Variants in DLG2 observed in about 807,000 individuals in gnomAD.
DLG2 encodes disks large homolog 2.
In DLG2, 45 loss-of-function variants were observed where a neutral mutation model predicts 132.5. That is an observed-to-expected ratio of 0.34 (90% CI 0.27 to 0.44). The LOEUF is 0.44. Ranked by LOEUF, DLG2 falls within the 20% of genes least tolerant of loss-of-function variation. The pLI, the probability that DLG2 is intolerant of heterozygous loss-of-function variation, is 1.00. For missense variants in DLG2, 1,045 were observed against 1,196.9 expected (o/e 0.87, Z 1.87); for synonymous variants, 424 against 419.6 (o/e 1.01, Z -0.13).
chr11:84,694,400 A>C (rs746646384), intron 6 of DLG2, among the ~76,000 whole-genome samples: 6 of 151,664 alleles, frequency 4.0e-5, no homozygotes, highest in African/African-American at 1.5e-4. Flanking sequence ...ATTTGTAAGA[A>C]AACTACATTG....
rs1018257953 is a variant in DLG2 at position 84,920,908 on chromosome 11, C to T, written c.357+190753G>A. 1.8e-4 allele frequency among the ~76,000 whole-genome samples: 28 copies of T among 151,864 alleles called. 1 individual carries two copies. The highest frequency in any genetic ancestry group is 1.2e-3 in the East Asian group (6 of 5,166). On this transcript the variant is annotated intron_variant, in intron 6 of 27. Transcript: ENST00000376104. ...CTATTGTGTGCAGAGAAAAAAAAGACGAAAAATGTTTCTATCCTTTGAATT... is the reference window on the plus strand; with the variant it reads ...CTATTGTGTGCAGAGAAAAAAAAGATGAAAAATGTTTCTATCCTTTGAATT...
intron 3 of DLG2, among the ~76,000 whole-genome samples, chr11:85,362,290 T>C (rs1354319239): frequency 1.3e-5 from 2 of 152,316 alleles, no homozygotes; most frequent in East Asian, 1.9e-4. Context: ...GTTCTACTTA[T>C]AGAGATCTTT....
At chr11:83,822,167 C>T (rs1395525352) in intron 17 of DLG2, among the ~76,000 whole-genome samples, 2 of 152,114 alleles carry the variant, frequency 1.3e-5, no homozygotes, top group Non-Finnish European at 2.9e-5. Context: ...AGAACTTTGA[C>T]CTGCAAGATA....
intron 14 of DLG2, among the ~76,000 whole-genome samples, chr11:83,938,027 T>C (rs1039169370): frequency 2.6e-5 from 4 of 152,326 alleles, no homozygotes; most frequent in South Asian, 4.1e-4. Flanking sequence ...AGGAAAGTCA[T>C]TGTGATTTGT....
At chr11:84,655,172 T>C (rs1252919397) in intron 6 of DLG2, among the ~76,000 whole-genome samples, 2 of 152,170 alleles carry the variant, frequency 1.3e-5, no homozygotes, top group Non-Finnish European at 2.9e-5. Context: ...CCATCATCAA[T>C]AGGTTTGCAG....
At chr11:84,151,807 A>C (rs1053241474) in intron 9 of DLG2, among the ~76,000 whole-genome samples, 1 of 152,230 alleles carries the variant, frequency 6.6e-6, no homozygotes, top group African/African-American at 2.4e-5. Flanking sequence ...TTCACCCAAA[A>C]GTCATTCAGG....
chr11:85,505,871 C>T (rs2093919415), intron 3 of DLG2, among the ~76,000 whole-genome samples: 1 of 152,130 alleles, frequency 6.6e-6, no homozygotes, highest in African/African-American at 2.4e-5. Context: ...GGTTGGTAGG[C>T]TATTAATTAC....
rs2096640264 is a variant in DLG2 at position 83,562,992 on chromosome 11, T to G, written c.1941-21134A>C. Among the ~76,000 whole-genome samples the G allele has an allele frequency of 6.8e-5, 6 of 88,252 alleles. No homozygotes were observed. The South Asian group carries it at 2.3e-3, about 33-fold the overall frequency. The allele number at this position is 88,252 out of a possible 152,430, so 57.9% of individuals were successfully genotyped here. ...TTTTTTTTTTTTTTTTTTTTTTTTT[T>G]GAGACAGAGTCTCGCTCAGTTGCCC... On this transcript the variant is annotated intron_variant, in intron 19 of 27. Coordinates refer to ENST00000376104, the MANE Select transcript of DLG2 (RefSeq NM_001142699.3).
In DLG2 at chr11:84,267,288, T is replaced by A. The variant is rs1388908323; in HGVS notation, c.520-15997A>T. On this transcript the variant is annotated intron_variant, in intron 7 of 27. Coordinates refer to ENST00000376104, the MANE Select transcript of DLG2 (RefSeq NM_001142699.3). ...ACTCTTATTTTTCCTCAGGGGGATGTTAATCAGGGTTGAAGTAAGGAGGGA... is the reference window on the plus strand; with the variant it reads ...ACTCTTATTTTTCCTCAGGGGGATGATAATCAGGGTTGAAGTAAGGAGGGA... Among the ~76,000 whole-genome samples the A allele has an allele frequency of 2.6e-5, 4 of 152,174 alleles. No individual in the cohort carries two copies. In the East Asian group the frequency reaches 5.8e-4, roughly 22 times the overall value.
At chr11:84,904,135 CT>C (rs1478861990) in intron 6 of DLG2, among the ~76,000 whole-genome samples, 1 of 152,088 alleles carries the variant, frequency 6.6e-6, no homozygotes, top group Non-Finnish European at 1.5e-5. Flanking sequence ...ATCATATACC[CT>C]TGATAAGAGT....
intron 7 of DLG2, among the ~76,000 whole-genome samples, chr11:84,525,745 C>A (rs2099318322): frequency 6.6e-6 from 1 of 152,166 alleles, no homozygotes; most frequent in Non-Finnish European, 1.5e-5. Context: ...TAAGGTCCTT[C>A]ATTACCTGTT....
intron 6 of DLG2, among the ~76,000 whole-genome samples, chr11:85,052,195 G>A (rs2062968973): frequency 6.6e-6 from 1 of 152,116 alleles, no homozygotes. Context: ...GTATAATGAA[G>A]GTTCCTAGGT....
At chr11:84,906,587 C>T (rs2091544900) in intron 6 of DLG2, among the ~76,000 whole-genome samples, 1 of 151,856 alleles carries the variant, frequency 6.6e-6, no homozygotes, top group Admixed American at 6.6e-5. Flanking sequence ...TTTATGACGC[C>T]CATAACTCCT....
chr11:85,356,238 C>CT (rs1174320219), intron 3 of DLG2, among the ~76,000 whole-genome samples: 1 of 152,130 alleles, frequency 6.6e-6, no homozygotes, highest in Non-Finnish European at 1.5e-5. Context: ...ATTCCATATT[C>CT]TTTTTTTACT....
At chr11:83,900,332 C>T (rs942181642) in intron 15 of DLG2, among the ~76,000 whole-genome samples, 1 of 152,164 alleles carries the variant, frequency 6.6e-6, no homozygotes, top group Non-Finnish European at 1.5e-5. Flanking sequence ...TAATGAGGAG[C>T]TGAATGTTAA....
intron 9 of DLG2, among the ~76,000 whole-genome samples, chr11:84,105,948 A>G (rs1233443426): frequency 6.6e-6 from 1 of 152,164 alleles, no homozygotes; most frequent in Non-Finnish European, 1.5e-5. Flanking sequence ...CTACAAAACT[A>G]TATGTTGTTT....
intron 4 of DLG2, among the ~76,000 whole-genome samples, chr11:85,274,024 A>G (rs563669202): frequency 7.7e-4 from 118 of 152,264 alleles, no homozygotes; most frequent in African/African-American, 2.7e-3. Flanking sequence ...CAAACACCAC[A>G]TGTTCTCACT....
chr11:84,605,864 C>T (rs192856262), intron 6 of DLG2, among the ~76,000 whole-genome samples: 1 of 152,134 alleles, frequency 6.6e-6, no homozygotes, highest in East Asian at 1.9e-4. Flanking sequence ...CACATCTGCA[C>T]CTGTGATCAT....
chr11:84,442,999 A>T (rs2099022190), intron 7 of DLG2, among the ~76,000 whole-genome samples: 1 of 152,178 alleles, frequency 6.6e-6, no homozygotes, highest in Admixed American at 6.5e-5. Flanking sequence ...CCGGCTGCAG[A>T]TGGATATATT....
Sources: allele counts gnomAD v4.1 joint callset (sites outside exome capture counted in the v4.1 genomes callset), GRCh38; gene constraint gnomAD v4.1.1; transcripts MANE v1.5; gene names NCBI Gene and HGNC (gene_info 2026-07-23, HGNC 2026-07-21).